KIFC3: variants seen among roughly 807,000 people sequenced by gnomAD.
The protein encoded by KIFC3 is kinesin family member C3.
KIFC3 carries 60 observed loss-of-function variants against 101.8 expected under a neutral mutation model. That is an observed-to-expected ratio of 0.59 (90% CI 0.48 to 0.73). The LOEUF (loss-of-function observed/expected upper bound fraction) is 0.73. Among genes scored for constraint, KIFC3 ranks in the 30% least tolerant of loss-of-function variants. The probability of loss-of-function intolerance (pLI) is 0.00; values close to 1 mark genes in which losing one functional copy is unlikely to be tolerated. For missense variants in KIFC3, 966 were observed against 1,137.1 expected, an observed-to-expected ratio of 0.85 and a Z score of 2.16; for synonymous variants, 476 against 482.7, an observed-to-expected ratio of 0.99 and a Z score of 0.18.
intron 3 of KIFC3, among the ~76,000 whole-genome samples, chr16:57,788,373 G>GCC (rs2053547207): frequency 6.6e-6 from 1 of 152,236 alleles, no homozygotes; most frequent in African/African-American, 2.4e-5. Context: ...TGGGTGAGAT[G>GCC]AAGGTTCTAT....
rs1555625770 is a variant in KIFC3, at chr16:57,802,258, C to G, written c.-40+112G>C. On this transcript the variant is annotated intron_variant, in intron 1 of 19. Coordinates refer to ENST00000445690, the MANE Select transcript of KIFC3 (RefSeq NM_001130100.2). This position sits in a 1 kb window ranked among gnomAD's most constrained non-coding sequence, Gnocchi z 5.0. ...TCCCTCCCCGCGCCCATAGCGGGTC[C>G]GGGCAGAGGGGTCCCGAGGGCAGGG... 3.9e-6 allele frequency: 2 copies of G among 513,692 alleles called. No homozygotes were observed. The highest frequency in any genetic ancestry group is 5.0e-6 in the Non-Finnish European group (2 of 398,748). The allele number at this position is 513,692 out of a possible 1,614,324, so 31.8% of individuals were successfully genotyped here.
At chr16:57,850,465 G>GTTTTTTTTTT (rs373157438) in intron 1 of KIFC3, among the ~76,000 whole-genome samples, 9 of 84,106 alleles carry the variant, frequency 1.1e-4, no homozygotes, top group African/African-American at 2.4e-4. Flanking sequence ...TTTAAAAAGG[G>GTTTTTTTTTT]TTTTTTTTTT....
chr16:57,856,258 A>G (rs1446120553), intron 1 of KIFC3, among the ~76,000 whole-genome samples: 1 of 152,114 alleles, frequency 6.6e-6, no homozygotes, highest in Non-Finnish European at 1.5e-5. Flanking sequence ...GAATGGATGA[A>G]TTGCTTCAGC....
chr16:57,812,465 C>A (rs1450930160), intron 1 of KIFC3, among the ~76,000 whole-genome samples: 2 of 152,098 alleles, frequency 1.3e-5, no homozygotes, highest in African/African-American at 4.8e-5. Flanking sequence ...CAGCCTCACT[C>A]CAGAGTCCAG....
intron 2 of KIFC3, among the ~76,000 whole-genome samples, chr16:57,795,512 G>C (rs561625014): frequency 6.6e-6 from 1 of 152,202 alleles, no homozygotes; most frequent in East Asian, 1.9e-4. Context: ...TTGCACAGGG[G>C]CTATGGCTTT....
intron 1 of KIFC3, among the ~76,000 whole-genome samples, chr16:57,838,060 A>G (rs773665540): frequency 6.6e-5 from 10 of 152,202 alleles, no homozygotes; most frequent in Admixed American, 2.0e-4. Flanking sequence ...AGGAAGAAGC[A>G]TAGCACAGCT....
At chr16:57,775,563 G>A in intron 3 of KIFC3, 2 of 986,110 alleles carry the variant, frequency 2.0e-6, no homozygotes, top group Non-Finnish European at 2.4e-6. Flanking sequence ...GATGGCCTGG[G>A]AGCAGTGAGA....
chr16:57,832,917 A>T (rs2055613314), intron 1 of KIFC3, among the ~76,000 whole-genome samples: 1 of 152,112 alleles, frequency 6.6e-6, no homozygotes, highest in African/African-American at 2.4e-5. Context: ...TATTAAAAAT[A>T]TATAAGCCGG....
At position 57,812,068 on chromosome 16, in the gene KIFC3, G is replaced by A. The variant is rs185791386; in HGVS notation, c.109-13786C>T. On this transcript the variant is annotated intron_variant, in intron 1 of 2. Transcript: ENST00000563028. ...TCTCTTTTTTTTTTTTTTTGAGACGGAGTCTCGCTGTCACCCAGGCTGGAG... is the reference window on the plus strand; with the variant it reads ...TCTCTTTTTTTTTTTTTTTGAGACGAAGTCTCGCTGTCACCCAGGCTGGAG... Among the ~76,000 whole-genome samples the A allele has an allele frequency of 4.9e-3, 731 of 148,732 alleles. 9 individuals are homozygous for A. The highest frequency in any genetic ancestry group is 0.03 in the South Asian group (139 of 4,666).
At chr16:57,758,974 A>T (rs2049461664) in intron 19 of KIFC3, 65 bp from the exon 20 acceptor site, 5 of 1,541,582 alleles carry the variant, frequency 3.2e-6, no homozygotes. Flanking sequence ...AGCAGTTGCC[A>T]CCGAGAGCAG....
intron 3 of KIFC3, among the ~76,000 whole-genome samples, chr16:57,794,110 A>G (rs1316446312): frequency 6.6e-6 from 1 of 152,194 alleles, no homozygotes; most frequent in Non-Finnish European, 1.5e-5. Context: ...GAGGACTAAC[A>G]TGAGATCTTT....
chr16:57,777,988 A>T (rs2052315802), intron 3 of KIFC3, among the ~76,000 whole-genome samples: 1 of 152,152 alleles, frequency 6.6e-6, no homozygotes, highest in South Asian at 2.1e-4. Flanking sequence ...ACAAAAATTA[A>T]CTCAAAATAG....
At chr16:57,854,923 C>T (rs1367232768) in intron 1 of KIFC3, among the ~76,000 whole-genome samples, 1 of 151,946 alleles carries the variant, frequency 6.6e-6, no homozygotes. Context: ...ATCCATGAAT[C>T]AAAGTGGAAG....
At chr16:57,794,273 C>A (rs903016340) in intron 3 of KIFC3, among the ~76,000 whole-genome samples, 1 of 151,022 alleles carries the variant, frequency 6.6e-6, no homozygotes, top group Admixed American at 6.6e-5. Flanking sequence ...CACTCTGTCA[C>A]GCAGGCTGGA....
At position 57,760,737 on chromosome 16, in the gene KIFC3, T is replaced by C. The variant is rs1340332327; in HGVS notation, c.2221A>G (p.Met741Val). The C allele has an allele frequency of 1.9e-6, 3 of 1,613,616 alleles. No individual in the cohort carries two copies. Among genetic ancestry groups the C allele is most frequent in the Non-Finnish European group, 2.5e-6 (3 of 1,179,884 alleles). The change falls in exon 16 of 20, where the codon ATG becomes GTG. Residue 741 changes from methionine to valine, a missense_variant. Transcript: ENST00000445690. Reference sequence around the variant, plus strand: ...CCCAAGGTCCTCACCTGTACCACCATGAGGGTCTTGCTGTCACCACTAAGC... The same window carrying C: ...CCCAAGGTCCTCACCTGTACCACCACGAGGGTCTTGCTGTCACCACTAAGC... The part of the protein sequence containing the change: ...DSLSGDSKTL[M>V]VVQVSPVEKN...
chr16:57,802,981 C>G, upstream of KIFC3: 2 of 1,535,880 alleles, frequency 1.3e-6, no homozygotes, highest in Non-Finnish European at 1.7e-6. The surrounding 1 kb of genome is among the most constrained non-coding windows in gnomAD (Gnocchi z 5.0). Flanking sequence ...ATGTACATCC[C>G]TTACCGTGTC....
upstream of KIFC3, chr16:57,802,946 C>G (rs1247186496): frequency 6.5e-7 from 1 of 1,533,384 alleles, no homozygotes; most frequent in Non-Finnish European, 8.7e-7. This position sits in a 1 kb window ranked among gnomAD's most constrained non-coding sequence, Gnocchi z 5.0. Context: ...AACACACACA[C>G]AAGCTCTTAC....
intron 1 of KIFC3, among the ~76,000 whole-genome samples, chr16:57,821,263 A>T (rs1258444107): frequency 2.6e-5 from 4 of 152,142 alleles, no homozygotes; most frequent in African/African-American, 9.7e-5. Flanking sequence ...CTGGGGAAAT[A>T]TTGGGAGAGC....
chr16:57,789,545 G>T (rs74022050), intron 3 of KIFC3, among the ~76,000 whole-genome samples: 1 of 152,150 alleles, frequency 6.6e-6, no homozygotes, highest in Non-Finnish European at 1.5e-5. Flanking sequence ...GAAGATTCGG[G>T]GGGGATGGTG....
Sources: gnomAD v4.1 joint callset for allele counts (sites outside exome capture counted in the v4.1 genomes callset) on GRCh38, gnomAD v4.1.1 for gene constraint, Gnocchi (gnomAD v3.1) non-coding constraint, MANE v1.5 for transcripts, NCBI Gene and HGNC (gene_info 2026-07-23, HGNC 2026-07-21) for gene names.